Variants in LRMDA observed in about 807,000 individuals in gnomAD.
LRMDA encodes leucine-rich melanocyte differentiation-associated protein.
In LRMDA, 18 loss-of-function variants were observed where a neutral mutation model predicts 29.8. The ratio of observed to expected loss-of-function variants is 0.60; its 90% confidence interval spans 0.42 to 0.90. The LOEUF (loss-of-function observed/expected upper bound fraction) is 0.90. Among genes scored for constraint, LRMDA ranks in the 40% least tolerant of loss-of-function variants. The probability of loss-of-function intolerance (pLI) is 0.00; values close to 1 mark genes in which losing one functional copy is unlikely to be tolerated. For synonymous variants in LRMDA, 125 were observed against 109.4 expected, an observed-to-expected ratio of 1.14 and a Z score of -0.89; for missense variants, 273 against 273.9, an observed-to-expected ratio of 1.00 and a Z score of 0.02.
intron 2 of LRMDA, among the ~76,000 whole-genome samples, chr10:75,638,930 G>T (rs566913779): frequency 2.0e-5 from 3 of 152,302 alleles, no homozygotes; most frequent in African/African-American, 7.2e-5. Context: ...AATACCAGTA[G>T]TTCAGCAGTA....
intron 5 of LRMDA, among the ~76,000 whole-genome samples, chr10:76,238,212 T>G (rs1418625501): frequency 2.6e-5 from 4 of 152,116 alleles, no homozygotes; most frequent in Non-Finnish European, 5.9e-5. Context: ...AGAGAGAAAC[T>G]CAGAGATTGC....
chr10:76,242,624 A>G (rs1852297277), intron 5 of LRMDA, among the ~76,000 whole-genome samples: 3 of 152,180 alleles, frequency 2.0e-5, no homozygotes, highest in African/African-American at 4.8e-5. Context: ...CCTCTTAGAA[A>G]GATACCAGCC....
At chr10:75,729,752 AT>A (rs1169875498) in intron 2 of LRMDA, among the ~76,000 whole-genome samples, 1 of 152,178 alleles carries the variant, frequency 6.6e-6, no homozygotes, top group Non-Finnish European at 1.5e-5. Context: ...TGATAGGATG[AT>A]TCTGACATCT....
At chr10:75,859,735 G>T (rs1844890721) in intron 2 of LRMDA, among the ~76,000 whole-genome samples, 1 of 151,060 alleles carries the variant, frequency 6.6e-6, no homozygotes, top group Admixed American at 6.6e-5. Flanking sequence ...TTATATATAG[G>T]TTTTAAATTT....
At chr10:75,792,682 G>A (rs1843589278) in intron 2 of LRMDA, among the ~76,000 whole-genome samples, 1 of 152,176 alleles carries the variant, frequency 6.6e-6, no homozygotes. Flanking sequence ...AGCCAGCCTG[G>A]GGTCATAGCC....
At chr10:75,570,153 C>T (rs75357618) in intron 2 of LRMDA, among the ~76,000 whole-genome samples, 1,980 of 152,186 alleles carry the variant, frequency 0.013, 44 homozygotes, top group African/African-American at 0.045. Context: ...AGATACATGA[C>T]GTTAGGCAAG....
chr10:76,081,411 C>G (rs1399723211), intron 5 of LRMDA, among the ~76,000 whole-genome samples: 1 of 152,132 alleles, frequency 6.6e-6, no homozygotes, highest in Non-Finnish European at 1.5e-5. Flanking sequence ...CATGATCACA[C>G]CACTGCACTC....
At chr10:76,209,126 G>T (rs1335963499) in intron 5 of LRMDA, among the ~76,000 whole-genome samples, 6 of 152,078 alleles carry the variant, frequency 3.9e-5, no homozygotes, top group Non-Finnish European at 8.8e-5. Context: ...CTGCACTCCA[G>T]CCTAGGCAAC....
intron 2 of LRMDA, among the ~76,000 whole-genome samples, chr10:75,694,083 C>T (rs767820481): frequency 4.6e-5 from 7 of 152,114 alleles, no homozygotes; most frequent in Non-Finnish European, 8.8e-5. Context: ...TGTTTGACAA[C>T]AAAAAATTAA....
chr10:76,213,966 T>C (rs77546083), intron 5 of LRMDA, among the ~76,000 whole-genome samples: 1 of 152,050 alleles, frequency 6.6e-6, no homozygotes, highest in Non-Finnish European at 1.5e-5. Context: ...GGTCATGCAA[T>C]GTTAGGGACA....
At chr10:75,772,823 G>A (rs898375025) in intron 2 of LRMDA, among the ~76,000 whole-genome samples, 1 of 126,834 alleles carries the variant, frequency 7.9e-6, no homozygotes, top group Non-Finnish European at 1.6e-5. Flanking sequence ...TAGCCAGAGT[G>A]CCCTGCCCCT....
intron 5 of LRMDA, among the ~76,000 whole-genome samples, chr10:76,069,509 A>G (rs1250314496): frequency 6.6e-6 from 1 of 152,136 alleles, no homozygotes; most frequent in African/African-American, 2.4e-5. Flanking sequence ...ATTTTAAAAT[A>G]TGGCAGTAAA....
intron 2 of LRMDA, among the ~76,000 whole-genome samples, chr10:75,733,739 G>C (rs983613569): frequency 5.3e-5 from 8 of 152,340 alleles, no homozygotes; most frequent in Non-Finnish European, 1.0e-4. Context: ...AAGGGAAGCA[G>C]TTTTCCCTCA....
At chr10:75,552,878 T>G (rs1840169833) in intron 2 of LRMDA, among the ~76,000 whole-genome samples, 1 of 152,150 alleles carries the variant, frequency 6.6e-6, no homozygotes, top group Non-Finnish European at 1.5e-5. Context: ...TTGTTATCCT[T>G]TTGATTTCTA....
At chr10:75,884,561 A>T (rs1325907172) in intron 2 of LRMDA, among the ~76,000 whole-genome samples, 1 of 152,222 alleles carries the variant, frequency 6.6e-6, no homozygotes, top group African/African-American at 2.4e-5. Context: ...GCCAACTAGA[A>T]TGAGATCATG....
intron 2 of LRMDA, among the ~76,000 whole-genome samples, chr10:75,813,881 G>A (rs2132274020): frequency 6.6e-6 from 1 of 152,234 alleles, no homozygotes; most frequent in Admixed American, 6.5e-5. Flanking sequence ...TACTGTCCTA[G>A]AAAAATCTCT....
At chr10:75,615,984 A>G (rs981773016) in intron 2 of LRMDA, among the ~76,000 whole-genome samples, 2 of 152,224 alleles carry the variant, frequency 1.3e-5, no homozygotes, top group African/African-American at 4.8e-5. Context: ...ATTAATAGGT[A>G]TATTAGTCTG....
intron 5 of LRMDA, among the ~76,000 whole-genome samples, chr10:76,299,036 A>T (rs1408440239): frequency 6.6e-6 from 1 of 152,198 alleles, no homozygotes; most frequent in Non-Finnish European, 1.5e-5. Context: ...CTTAGAAAAT[A>T]AGAAATTATT....
At chr10:75,885,391 C>A (rs569019802) in intron 2 of LRMDA, among the ~76,000 whole-genome samples, 1 of 152,316 alleles carries the variant, frequency 6.6e-6, no homozygotes, top group African/African-American at 2.4e-5. Flanking sequence ...TGACTTTGGG[C>A]AAGCCTCTTC....
Sources: gnomAD v4.1 joint callset for allele counts (sites outside exome capture counted in the v4.1 genomes callset) on GRCh38, gnomAD v4.1.1 for gene constraint, MANE v1.5 for transcripts, NCBI Gene and HGNC (gene_info 2026-07-23, HGNC 2026-07-21) for gene names.